The following CCBE1 variants were observed in gnomAD, a reference collection of about 807,000 sequenced individuals.
The protein encoded by CCBE1 is collagen and calcium-binding EGF domain-containing protein 1.
In CCBE1, 37 loss-of-function variants were observed where a neutral mutation model predicts 50.0. The ratio of observed to expected loss-of-function variants is 0.74; its 90% confidence interval spans 0.57 to 0.97. CCBE1 has a LOEUF of 0.97. CCBE1 is among the 50% of genes least tolerant of loss of function. The pLI, the probability that CCBE1 is intolerant of heterozygous loss-of-function variation, is 0.00. For missense variants in CCBE1, 538 were observed against 523.8 expected (o/e 1.03, Z -0.26); for synonymous variants, 234 against 203.7 (o/e 1.15, Z -1.27).
intron 2 of CCBE1, among the ~76,000 whole-genome samples, chr18:59,601,533 A>G (rs910596397): frequency 6.6e-6 from 1 of 152,122 alleles, no homozygotes; most frequent in Non-Finnish European, 1.5e-5. Flanking sequence ...TCCTTTATAA[A>G]TTACCCACTC....
chr18:59,599,981 C>T (rs1164147283), intron 2 of CCBE1, among the ~76,000 whole-genome samples: 1 of 152,222 alleles, frequency 6.6e-6, no homozygotes. Context: ...CCTAATCCCA[C>T]AGAACCATGG....
intron 2 of CCBE1, among the ~76,000 whole-genome samples, chr18:59,645,444 C>T (rs1464900178): frequency 6.6e-6 from 1 of 152,202 alleles, no homozygotes; most frequent in Non-Finnish European, 1.5e-5. Flanking sequence ...TTAAAACTAC[C>T]TGTTTCCCTT....
At chr18:59,515,819 C>A (rs113427974) in intron 2 of CCBE1, among the ~76,000 whole-genome samples, 2 of 152,046 alleles carry the variant, frequency 1.3e-5, no homozygotes, top group African/African-American at 4.8e-5. Flanking sequence ...TTAATCTCCC[C>A]GAACCTCAGT....
intron 2 of CCBE1, among the ~76,000 whole-genome samples, chr18:59,624,554 G>A (rs2053754455): frequency 6.6e-6 from 1 of 152,242 alleles, no homozygotes; most frequent in Non-Finnish European, 1.5e-5. Context: ...CTGCCACTGA[G>A]GCTGAAGGCC....
intron 5 of CCBE1, among the ~76,000 whole-genome samples, chr18:59,464,263 A>G (rs1001561451): frequency 2.6e-5 from 4 of 152,122 alleles, no homozygotes; most frequent in Admixed American, 2.6e-4. Flanking sequence ...TGGTGAAACT[A>G]CTAAAAATAC....
rs537730173 is a variant in CCBE1 at position 59,462,238 on chromosome 18, C to T, written c.553+4501G>A. 5.9e-5 allele frequency among the ~76,000 whole-genome samples: 9 copies of T among 152,238 alleles called. No individual in the cohort carries two copies. In the South Asian group the frequency reaches 8.3e-4, roughly 14 times the overall value. On this transcript the variant is annotated intron_variant, in intron 5 of 10. Coordinates refer to ENST00000439986, the MANE Select transcript of CCBE1 (RefSeq NM_133459.4). ...AAAACACTCCTCTCTGGACTCCGGC[C>T]GCTTCATCTGCTGATATCAACATCC... is the stretch of plus-strand genomic sequence containing the variant.
Position 59,466,815 on chromosome 18 carries a change from G to A in CCBE1, c.477C>T (p.Cys159=), listed in dbSNP as rs149268172. The A allele has an allele frequency of 4.7e-5, 76 of 1,613,622 alleles. No homozygotes were observed. The African/African-American group carries it at 5.1e-4, about 11-fold the overall frequency. ...CCCGGATGTAGCCTTCCCGGCACTC[G>A]CAGCGGTAGCTGCCCAAGGTATTGA... The part of the protein sequence containing the change: ...ICINTLGSYR[C]ECREGYIRED... Residue 159 remains cysteine, a synonymous_variant, in exon 5 of 11, where the codon TGC becomes TGT. Transcript: ENST00000439986.
intron 2 of CCBE1, among the ~76,000 whole-genome samples, chr18:59,574,146 T>A (rs2052956246): frequency 6.6e-6 from 1 of 152,180 alleles, no homozygotes. Context: ...CATCACTGGT[T>A]CACACTAGTG....
chr18:59,512,768 A>C lies in CCBE1; in HGVS notation c.213-32530T>G, dbSNP rs936024066. Among the ~76,000 whole-genome samples the C allele has an allele frequency of 2.5e-4, 38 of 152,186 alleles. 1 individual carries two copies. The highest frequency in any genetic ancestry group is 2.6e-4 in the Admixed American group (4 of 15,286). Reference sequence around the variant, plus strand: ...ATGAGGAAAAGGGTATTATTGAGATATGTGTTTAGGGAACAAATCCCGGGT... The same window carrying C: ...ATGAGGAAAAGGGTATTATTGAGATCTGTGTTTAGGGAACAAATCCCGGGT... On this transcript the variant is annotated intron_variant, in intron 2 of 10. Transcript: ENST00000439986.
intron 7 of CCBE1, among the ~76,000 whole-genome samples, chr18:59,443,852 C>A (rs1206858844): frequency 6.6e-6 from 1 of 152,148 alleles, no homozygotes; most frequent in African/African-American, 2.4e-5. Flanking sequence ...ATAACTTTCT[C>A]ATCCTGTAAA....
chr18:59,601,610 C>G (rs1383358098), intron 2 of CCBE1, among the ~76,000 whole-genome samples: 5 of 152,198 alleles, frequency 3.3e-5, no homozygotes, highest in African/African-American at 9.7e-5. Flanking sequence ...GTTGTTCAGG[C>G]TGCTCTCAAA....
intron 2 of CCBE1, among the ~76,000 whole-genome samples, chr18:59,500,164 G>T (rs1002855123): frequency 3.9e-5 from 6 of 152,142 alleles, no homozygotes; most frequent in African/African-American, 1.4e-4. Flanking sequence ...ACTGGTGCTG[G>T]CCAGAGCATG....
intron 2 of CCBE1, among the ~76,000 whole-genome samples, chr18:59,502,833 T>A (rs1913688024): frequency 6.6e-6 from 1 of 152,224 alleles, no homozygotes; most frequent in African/African-American, 2.4e-5. Context: ...CAAACAGTCC[T>A]CACTCACTGG....
At chr18:59,527,647 A>G (rs1914880171) in intron 2 of CCBE1, among the ~76,000 whole-genome samples, 1 of 152,166 alleles carries the variant, frequency 6.6e-6, no homozygotes, top group African/African-American at 2.4e-5. Context: ...TATTTAATGC[A>G]TCCTTCAGGA....
chr18:59,515,542 C>G (rs1914332377), intron 2 of CCBE1, among the ~76,000 whole-genome samples: 1 of 152,212 alleles, frequency 6.6e-6, no homozygotes, highest in Non-Finnish European at 1.5e-5. Context: ...TTGAGTCTAT[C>G]TTTGAGCAGC....
chr18:59,587,440 T>TATGAAAAAA (rs563692319), intron 2 of CCBE1, among the ~76,000 whole-genome samples: 422 of 152,342 alleles, frequency 2.8e-3, no homozygotes, highest in African/African-American at 9.7e-3. Flanking sequence ...AACAGTCATG[T>TATGAAAAAA]ATGAAAAAAC....
intron 2 of CCBE1, among the ~76,000 whole-genome samples, chr18:59,512,194 G>C (rs150057066): frequency 2.0e-5 from 3 of 152,332 alleles, no homozygotes; most frequent in Middle Eastern, 3.4e-3. Flanking sequence ...GGGTAGAGAA[G>C]GGTGTGGTCC....
chr18:59,693,341 C>T (rs1460580486), intron 2 of CCBE1, among the ~76,000 whole-genome samples: 1 of 152,004 alleles, frequency 6.6e-6, no homozygotes, highest in Admixed American at 6.5e-5. Context: ...CATTTGTGAC[C>T]AGCTTTCATG....
chr18:59,436,194 C>A, intron 10 of CCBE1, 53 bp from the exon 11 acceptor site: 2 of 1,521,760 alleles, frequency 1.3e-6, no homozygotes, highest in Non-Finnish European at 9.1e-7. Context: ...CAATGGCCTC[C>A]GGGGCTCCAT....
Sources: allele counts gnomAD v4.1 joint callset (sites outside exome capture counted in the v4.1 genomes callset), GRCh38; gene constraint gnomAD v4.1.1; transcripts MANE v1.5; gene names NCBI Gene and HGNC (gene_info 2026-07-23, HGNC 2026-07-21).